Variants in MSI2 observed in about 807,000 individuals in gnomAD.
MSI2 encodes musashi RNA binding protein 2, also known as RNA-binding protein Musashi homolog 2.
MSI2 carries 17 observed loss-of-function variants against 45.6 expected under a neutral mutation model. The observed-to-expected ratio is 0.37, with a 90% confidence interval of 0.26 to 0.56. MSI2 has a LOEUF of 0.56. Ranked by LOEUF, MSI2 falls within the 20% of genes least tolerant of loss-of-function variation. MSI2 has a pLI of 0.77. For synonymous variants in MSI2, 156 were observed against 158.2 expected (o/e 0.99, Z 0.11); for missense variants, 293 against 444.2 (o/e 0.66, Z 3.06).
chr17:57,637,197 C>T (rs1181091012), intron 10 of MSI2, among the ~76,000 whole-genome samples: 2 of 152,212 alleles, frequency 1.3e-5, no homozygotes, highest in African/African-American at 4.8e-5. Flanking sequence ...CCTATCCTCT[C>T]ATTTGAATAT....
chr17:57,514,338 A>G (rs532190680), intron 6 of MSI2, among the ~76,000 whole-genome samples: 1 of 152,336 alleles, frequency 6.6e-6, no homozygotes, highest in African/African-American at 2.4e-5. Flanking sequence ...ATCAAGTTAT[A>G]AAGTTAGCAA....
chr17:57,617,064 A>T (rs948236093), intron 9 of MSI2, among the ~76,000 whole-genome samples: 1 of 152,368 alleles, frequency 6.6e-6, no homozygotes, highest in East Asian at 1.9e-4. Context: ...TGTTTAAATC[A>T]CTTCTGGCTT....
intron 6 of MSI2, among the ~76,000 whole-genome samples, chr17:57,458,254 C>A (rs1265418388): frequency 6.6e-6 from 1 of 152,070 alleles, no homozygotes; most frequent in Admixed American, 6.6e-5. Context: ...GCGCCCACCA[C>A]CACGCCTGGC....
rs1301087496 is a variant in MSI2, at chr17:57,510,310, G to A, written c.406-19366G>A. Among the ~76,000 whole-genome samples, 4 of 151,900 alleles carry A rather than the reference G, an allele frequency of 2.6e-5. No homozygotes were observed. In the East Asian group the frequency reaches 5.8e-4, roughly 22 times the overall value. The stretch of plus-strand genomic sequence containing the variant: ...GGCCCCATCCCCAGGGAGCCCTCTC[G>A]TTTCTTCCTACCCTGATATTTTATA... On this transcript the variant is annotated intron_variant, in intron 6 of 13. Coordinates refer to ENST00000284073, the MANE Select transcript of MSI2 (RefSeq NM_138962.4).
chr17:57,667,635 C>T (rs540435085), intron 11 of MSI2, among the ~76,000 whole-genome samples: 2 of 152,320 alleles, frequency 1.3e-5, no homozygotes, highest in African/African-American at 4.8e-5. Flanking sequence ...CCCTCAGGGC[C>T]CTTGGGGGTT....
chr17:57,481,792 A>C (rs1159629875), intron 6 of MSI2, among the ~76,000 whole-genome samples: 1 of 152,232 alleles, frequency 6.6e-6, no homozygotes, highest in Non-Finnish European at 1.5e-5. Context: ...ATCCATAGCT[A>C]TCGGCTTGAG....
At chr17:57,411,576 G>T (rs2084197620) in intron 6 of MSI2, among the ~76,000 whole-genome samples, 5 of 152,180 alleles carry the variant, frequency 3.3e-5, no homozygotes, top group Non-Finnish European at 7.4e-5. Flanking sequence ...AGACCCCTTA[G>T]CCCAACAGCA....
chr17:57,473,182 G>A (rs1042068130), intron 6 of MSI2, among the ~76,000 whole-genome samples: 8 of 152,198 alleles, frequency 5.3e-5, no homozygotes, highest in Non-Finnish European at 1.2e-4. Flanking sequence ...GAGCCACCGC[G>A]CCTGGCCTTC....
intron 6 of MSI2, among the ~76,000 whole-genome samples, chr17:57,501,509 G>A (rs918063381): frequency 2.4e-4 from 36 of 152,212 alleles, no homozygotes; most frequent in Non-Finnish European, 2.2e-4. Context: ...CCTCAAGGGT[G>A]GTCCTGCCTC....
intron 7 of MSI2, among the ~76,000 whole-genome samples, chr17:57,575,776 T>C (rs1444555049): frequency 2.0e-5 from 3 of 151,916 alleles, no homozygotes; most frequent in African/African-American, 7.3e-5. Flanking sequence ...AAACCCCGCC[T>C]CTATTAAAAA....
intron 7 of MSI2, among the ~76,000 whole-genome samples, chr17:57,554,856 C>T (rs2087394417): frequency 6.6e-6 from 1 of 152,278 alleles, no homozygotes; most frequent in African/African-American, 2.4e-5. Flanking sequence ...TTTACAGACT[C>T]ACAACCATCC....
chr17:57,590,686 T>G (rs1211407273), intron 7 of MSI2, among the ~76,000 whole-genome samples: 1 of 152,174 alleles, frequency 6.6e-6, no homozygotes, highest in African/African-American at 2.4e-5. Flanking sequence ...TGTCCCCGCT[T>G]TGCTGACTAC....
At chr17:57,588,175 G>GCATCCAT (rs1001239134) in intron 7 of MSI2, among the ~76,000 whole-genome samples, 26 of 152,256 alleles carry the variant, frequency 1.7e-4, no homozygotes, top group Admixed American at 7.9e-4. Context: ...CAGACCCCTC[G>GCATCCAT]CATCCATCGC....
intron 7 of MSI2, among the ~76,000 whole-genome samples, chr17:57,594,447 C>A (rs1905100958): frequency 6.6e-6 from 1 of 152,188 alleles, no homozygotes; most frequent in Admixed American, 6.5e-5. Flanking sequence ...CTGAGACATA[C>A]CCCAGTAGGG....
chr17:57,643,682 C>T (rs537288661), intron 10 of MSI2, among the ~76,000 whole-genome samples: 2 of 152,368 alleles, frequency 1.3e-5, no homozygotes, highest in East Asian at 3.9e-4. Context: ...GACAGAAACA[C>T]TTTCTGAAAC....
intron 7 of MSI2, among the ~76,000 whole-genome samples, chr17:57,560,977 C>G (rs2087560872): frequency 6.6e-6 from 1 of 152,232 alleles, no homozygotes; most frequent in African/African-American, 2.4e-5. Context: ...CCTCCCAGCT[C>G]CAAAGGAGCT....
At position 57,280,443 on chromosome 17, in the gene MSI2, A is replaced by C. The variant is rs1353441142; in HGVS notation, c.312+18251A>C. Among the ~76,000 whole-genome samples the C allele has an allele frequency of 6.6e-6, 1 of 152,074 alleles. No individual in the cohort carries two copies. Among genetic ancestry groups the C allele is most frequent in the African/African-American group, 2.4e-5 (1 of 41,390 alleles). On this transcript the variant is annotated intron_variant, in intron 5 of 13. Coordinates refer to ENST00000284073, the MANE Select transcript of MSI2 (RefSeq NM_138962.4). This position sits in a 1 kb window ranked among gnomAD's most constrained non-coding sequence, Gnocchi z 4.2. The stretch of plus-strand genomic sequence containing the variant: ...TGGAGGTAGTGATGGAGACCAGTGG[A>C]TGGATTTGAGATGCATCTGAGAATT...
At chr17:57,476,109 A>G (rs2085531915) in intron 6 of MSI2, among the ~76,000 whole-genome samples, 1 of 152,234 alleles carries the variant, frequency 6.6e-6, no homozygotes, top group Non-Finnish European at 1.5e-5. Context: ...AGGGCAGTTT[A>G]GCCGGCATCT....
intron 5 of MSI2, among the ~76,000 whole-genome samples, chr17:57,365,981 C>T (rs1038466888): frequency 2.0e-5 from 3 of 152,106 alleles, no homozygotes; most frequent in Middle Eastern, 6.8e-3. Context: ...GGTGTGATAT[C>T]GACTCACTGC....
Sources: allele counts gnomAD v4.1 joint callset (sites outside exome capture counted in the v4.1 genomes callset), GRCh38; gene constraint gnomAD v4.1.1; non-coding constraint Gnocchi (gnomAD v3.1); transcripts MANE v1.5; gene names NCBI Gene and HGNC (gene_info 2026-07-23, HGNC 2026-07-21).